The following ASIC2 variants were observed in gnomAD, a reference collection of about 807,000 sequenced individuals.
ASIC2 encodes the protein acid sensing ion channel subunit 2.
ASIC2 carries 25 observed loss-of-function variants against 57.3 expected under a neutral mutation model. The observed-to-expected ratio is 0.44, with a 90% confidence interval of 0.32 to 0.61. ASIC2 has a LOEUF of 0.61. ASIC2 is among the 20% of genes least tolerant of loss of function. The pLI, the probability that ASIC2 is intolerant of heterozygous loss-of-function variation, is 0.06. For synonymous variants in ASIC2, 319 were observed against 307.5 expected, an observed-to-expected ratio of 1.04 and a Z score of -0.39; for missense variants, 641 against 738.1, an observed-to-expected ratio of 0.87 and a Z score of 1.52.
intron 3 of ASIC2, among the ~76,000 whole-genome samples, chr17:33,055,955 C>G (rs944678546): frequency 1.3e-5 from 2 of 152,236 alleles, no homozygotes. Flanking sequence ...GCCCTGGACT[C>G]AGCCCTAAGA....
intron 1 of ASIC2, among the ~76,000 whole-genome samples, chr17:33,743,556 A>G (rs1338532566): frequency 6.6e-6 from 1 of 152,262 alleles, no homozygotes; most frequent in African/African-American, 2.4e-5. Flanking sequence ...GTTTGGGTAA[A>G]ACAGATTTCC....
intron 1 of ASIC2, among the ~76,000 whole-genome samples, chr17:34,054,918 G>A (rs1319278181): frequency 6.6e-6 from 1 of 152,208 alleles, no homozygotes; most frequent in Non-Finnish European, 1.5e-5. Context: ...TCTATTGGGA[G>A]GGCTTCTTGA....
intron 1 of ASIC2, among the ~76,000 whole-genome samples, chr17:33,211,925 G>A (rs1439014537): frequency 6.6e-6 from 1 of 152,060 alleles, no homozygotes. Context: ...CCAGCTCCAT[G>A]CTGGGTGCCT....
At chr17:33,905,507 A>T (rs528604200) in intron 1 of ASIC2, among the ~76,000 whole-genome samples, 76 of 152,338 alleles carry the variant, frequency 5.0e-4, no homozygotes, top group African/African-American at 1.7e-3. Context: ...GCATGTGCTG[A>T]CATAGATAAG....
chr17:33,776,132 C>CAA (rs35541526), intron 1 of ASIC2, among the ~76,000 whole-genome samples: 6,140 of 127,254 alleles, frequency 0.048, 163 homozygotes, highest in Middle Eastern at 0.073. Flanking sequence ...GACTCTGTCT[C>CAA]AAAAAAAAAA....
chr17:34,040,027 C>T (rs552473117), intron 1 of ASIC2, among the ~76,000 whole-genome samples: 3 of 150,480 alleles, frequency 2.0e-5, no homozygotes, highest in East Asian at 4.0e-4. Flanking sequence ...GGGCAGCCAC[C>T]GCCGGCGCCG....
At chr17:33,598,800 A>C (rs982171058) in intron 1 of ASIC2, among the ~76,000 whole-genome samples, 9 of 152,348 alleles carry the variant, frequency 5.9e-5, no homozygotes, top group South Asian at 2.1e-4. Flanking sequence ...CCCCACAATC[A>C]AAGAAGGGGG....
chr17:33,198,611 C>T (rs1247721130), intron 1 of ASIC2, among the ~76,000 whole-genome samples: 2 of 152,190 alleles, frequency 1.3e-5, no homozygotes, highest in African/African-American at 4.8e-5. Context: ...CATACTGTTA[C>T]CTTTTGAGGT....
At chr17:33,414,282 G>A (rs970816492) in intron 1 of ASIC2, among the ~76,000 whole-genome samples, 14 of 152,208 alleles carry the variant, frequency 9.2e-5, no homozygotes, top group Admixed American at 9.2e-4. Context: ...TGGCGAGGAG[G>A]CTGGAGGGAG....
intron 2 of ASIC2, among the ~76,000 whole-genome samples, chr17:33,092,351 G>A (rs1427629343): frequency 4.6e-5 from 7 of 152,224 alleles, no homozygotes; most frequent in Non-Finnish European, 1.0e-4. Flanking sequence ...CCTTTCCTGG[G>A]CATGGCACAG....
chr17:33,948,319 T>G (rs568751889), intron 1 of ASIC2, among the ~76,000 whole-genome samples: 53 of 152,370 alleles, frequency 3.5e-4, no homozygotes, highest in African/African-American at 1.2e-3. Flanking sequence ...CCAGAGAGAC[T>G]GGCTGGAGTG....
At chr17:33,470,827 CTG>C (rs1249457480) in intron 1 of ASIC2, among the ~76,000 whole-genome samples, 13 of 152,200 alleles carry the variant, frequency 8.5e-5, no homozygotes, top group African/African-American at 2.9e-4. Flanking sequence ...CCTGTAGTCT[CTG>C]TACTTGCTTC....
At chr17:33,083,246 G>T (rs570505269) in intron 3 of ASIC2, among the ~76,000 whole-genome samples, 56 of 152,312 alleles carry the variant, frequency 3.7e-4, no homozygotes, top group African/African-American at 1.3e-3. Flanking sequence ...CTTGCTCTCA[G>T]AGGGCTCTGA....
chr17:33,092,307 G>A (rs979589307), intron 2 of ASIC2, among the ~76,000 whole-genome samples: 1 of 152,250 alleles, frequency 6.6e-6, no homozygotes, highest in South Asian at 2.1e-4. Context: ...GTAGTGAAGA[G>A]CAGCTCCCTG....
intron 7 of ASIC2, among the ~76,000 whole-genome samples, chr17:33,018,453 C>T (rs370383436): frequency 3.9e-5 from 6 of 152,338 alleles, no homozygotes; most frequent in African/African-American, 1.4e-4. Context: ...GAACCACTCT[C>T]CTGGGAGGAC....
At chr17:33,502,498 G>T (rs1914129826) in intron 1 of ASIC2, among the ~76,000 whole-genome samples, 1 of 152,156 alleles carries the variant, frequency 6.6e-6, no homozygotes, top group African/African-American at 2.4e-5. Context: ...GAGCAAAGAG[G>T]GCTTCCAAAC....
intron 1 of ASIC2, among the ~76,000 whole-genome samples, chr17:33,946,424 T>G (rs1402797827): frequency 1.3e-5 from 2 of 152,182 alleles, no homozygotes; most frequent in African/African-American, 4.8e-5. Context: ...AGCCTGGCCT[T>G]GAATCAGACC....
chr17:33,831,600 T>A (rs1045079516), intron 1 of ASIC2, among the ~76,000 whole-genome samples: 1 of 145,870 alleles, frequency 6.9e-6, no homozygotes, highest in South Asian at 2.2e-4. Context: ...AAAAAAAAAA[T>A]AGAGTCCTGC....
intron 1 of ASIC2, among the ~76,000 whole-genome samples, chr17:33,696,573 G>A (rs1007710708): frequency 6.6e-6 from 1 of 152,196 alleles, no homozygotes; most frequent in African/African-American, 2.4e-5. Flanking sequence ...CCATGGGTGG[G>A]AGGTGGGTCT....
Sources: gnomAD v4.1 joint callset for allele counts (sites outside exome capture counted in the v4.1 genomes callset) on GRCh38, gnomAD v4.1.1 for gene constraint, MANE v1.5 for transcripts, NCBI Gene and HGNC (gene_info 2026-07-23, HGNC 2026-07-21) for gene names.